Variants in ACO2 observed in about 807,000 individuals in gnomAD.
ACO2 encodes aconitate hydratase, mitochondrial.
In ACO2, 31 loss-of-function variants were observed where a neutral mutation model predicts 84.5. The ratio of observed to expected loss-of-function variants is 0.37; its 90% confidence interval spans 0.28 to 0.50. The LOEUF (loss-of-function observed/expected upper bound fraction) is 0.50. ACO2 is among the 20% of genes least tolerant of loss of function. ACO2 has a pLI of 0.97. For missense variants in ACO2, 685 were observed against 1,029.3 expected (o/e 0.67, Z 4.58); for synonymous variants, 414 against 412.7 (o/e 1.00, Z -0.04).
At chr22:41,477,225 C>T (rs180836644) in intron 1 of ACO2, among the ~76,000 whole-genome samples, 69 of 151,700 alleles carry the variant, frequency 4.5e-4, no homozygotes, top group African/African-American at 1.7e-3. Flanking sequence ...GCGATCTCCA[C>T]TCAGTTCAAG....
chr22:41,471,516 A>G (rs116981156), intron 1 of ACO2, among the ~76,000 whole-genome samples: 165 of 152,330 alleles, frequency 1.1e-3, no homozygotes, highest in Non-Finnish European at 2.0e-3. Flanking sequence ...CATTCACCAT[A>G]TATTTACTGA....
At chr22:41,482,144 T>C (rs1473376975) in intron 1 of ACO2, among the ~76,000 whole-genome samples, 2 of 152,202 alleles carry the variant, frequency 1.3e-5, no homozygotes, top group African/African-American at 4.8e-5. Flanking sequence ...TGTTCTGTGT[T>C]GGTAGATGCA....
At chr22:41,490,615 G>A (rs978048376) in intron 1 of ACO2, among the ~76,000 whole-genome samples, 10 of 152,146 alleles carry the variant, frequency 6.6e-5, no homozygotes, top group Admixed American at 5.9e-4. Flanking sequence ...CTGGAAGAGG[G>A]AAAGCTAGTC....
chr22:41,480,795 C>G (rs1569001569), intron 1 of ACO2, among the ~76,000 whole-genome samples: 1 of 152,136 alleles, frequency 6.6e-6, no homozygotes, highest in Non-Finnish European at 1.5e-5. Context: ...CTAATCCTCA[C>G]AAAATCTCTG....
At chr22:41,475,297 C>G (rs988936234) in intron 1 of ACO2, among the ~76,000 whole-genome samples, 3 of 151,616 alleles carry the variant, frequency 2.0e-5, no homozygotes, top group Admixed American at 2.0e-4. Context: ...CCCAGCCTCC[C>G]TAGTAGCTGG....
chr22:41,516,888 A>G (rs1194342025), intron 6 of ACO2, among the ~76,000 whole-genome samples: 1 of 150,856 alleles, frequency 6.6e-6, no homozygotes, highest in Non-Finnish European at 1.5e-5. Flanking sequence ...ATGCCTGGCT[A>G]ATTTTTTTTG....
At chr22:41,502,338 G>C (rs2066359196) in intron 2 of ACO2, among the ~76,000 whole-genome samples, 1 of 152,168 alleles carries the variant, frequency 6.6e-6, no homozygotes, top group Non-Finnish European at 1.5e-5. Flanking sequence ...GACCCACTGA[G>C]TCAGAACCGG....
intron 2 of ACO2, 102 bp from the exon 3 acceptor site, chr22:41,507,689 C>T (rs2066403715): frequency 6.7e-7 from 1 of 1,491,164 alleles, no homozygotes; most frequent in African/African-American, 1.4e-5. Flanking sequence ...CTCCCTGTCC[C>T]TGGCCACTGT....
At chr22:41,475,837 G>A (rs140235726) in intron 1 of ACO2, among the ~76,000 whole-genome samples, 10 of 151,078 alleles carry the variant, frequency 6.6e-5, no homozygotes, top group Admixed American at 2.6e-4. Flanking sequence ...GGTGGAGGTT[G>A]CAGTGAGCCG....
chr22:41,505,909 A>C (rs1295842991), intron 2 of ACO2, among the ~76,000 whole-genome samples: 1 of 152,182 alleles, frequency 6.6e-6, no homozygotes, highest in African/African-American at 2.4e-5. Flanking sequence ...TATGCCAATT[A>C]TACCTCTGTT....
At chr22:41,525,484 G>A (rs2066575020) in intron 14 of ACO2, 136 bp downstream of exon 14, 1 of 1,134,706 alleles carries the variant, frequency 8.8e-7, no homozygotes. Context: ...AGGTTTGGCT[G>A]CAGAGCAGAG....
At chr22:41,520,082 G>T in intron 8 of ACO2, 89 bp from the exon 9 acceptor site, 1 of 1,152,644 alleles carries the variant, frequency 8.7e-7, no homozygotes, top group East Asian at 2.6e-5. Context: ...CCTCTCTGTG[G>T]GGACGTGGTG....
At chr22:41,469,909 G>A (rs1408344413) in intron 1 of ACO2, among the ~76,000 whole-genome samples, 5 of 152,142 alleles carry the variant, frequency 3.3e-5, no homozygotes, top group African/African-American at 1.2e-4. Flanking sequence ...AAGTGCTGTG[G>A]CAGAAGCATG....
intron 1 of ACO2, among the ~76,000 whole-genome samples, chr22:41,487,103 C>T (rs919515681): frequency 4.6e-5 from 7 of 152,116 alleles, no homozygotes; most frequent in Non-Finnish European, 1.5e-5. Flanking sequence ...AGGCTGGTCT[C>T]GAACTCCTGT....
chr22:41,527,119 C>T, intron 15 of ACO2, 169 bp from the exon 16 acceptor site: 2 of 966,162 alleles, frequency 2.1e-6, no homozygotes, highest in South Asian at 1.7e-5. Context: ...CTCATTCACG[C>T]AGGCTTCACT....
At chr22:41,497,376 G>GTGGT (rs199656733) in intron 1 of ACO2, among the ~76,000 whole-genome samples, 1,774 of 152,146 alleles carry the variant, frequency 0.012, 38 homozygotes, top group African/African-American at 0.041. Context: ...GCCTCTTGCT[G>GTGGT]TCATTTCTTT....
chr22:41,504,182 C>T (rs1359003714), intron 2 of ACO2, among the ~76,000 whole-genome samples: 1 of 152,370 alleles, frequency 6.6e-6, no homozygotes, highest in East Asian at 1.9e-4. Context: ...CACCACAGCA[C>T]TCCAGCCAGA....
chr22:41,522,769 G>C, intron 9 of ACO2, 61 bp from the exon 10 acceptor site: 2 of 1,577,392 alleles, frequency 1.3e-6, no homozygotes, highest in South Asian at 1.1e-5. Flanking sequence ...TTGAAGTCAG[G>C]TGGAGACCTC....
At chr22:41,521,117 G>A (rs1182483028) in intron 9 of ACO2, among the ~76,000 whole-genome samples, 1 of 150,462 alleles carries the variant, frequency 6.6e-6, no homozygotes, top group East Asian at 1.9e-4. Context: ...TTATTGTAGA[G>A]AATATTCACA....
Sources: allele counts gnomAD v4.1 joint callset (sites outside exome capture counted in the v4.1 genomes callset), GRCh38; gene constraint gnomAD v4.1.1; transcripts MANE v1.5; gene names NCBI Gene and HGNC (gene_info 2026-07-23, HGNC 2026-07-21).